The following EIF2A variants were observed in gnomAD, a reference collection of about 807,000 sequenced individuals.
The protein encoded by EIF2A is eukaryotic translation initiation factor 2A.
EIF2A carries 62 observed loss-of-function variants against 75.2 expected under a neutral mutation model. That is an observed-to-expected ratio of 0.82 (90% CI 0.67 to 1.02). EIF2A has a LOEUF of 1.02. Among genes scored for constraint, EIF2A ranks in the 50% least tolerant of loss-of-function variants. The pLI, the probability that EIF2A is intolerant of heterozygous loss-of-function variation, is 0.00. For synonymous variants in EIF2A, 207 were observed against 239.0 expected (o/e 0.87, Z 1.23); for missense variants, 611 against 677.7 (o/e 0.90, Z 1.09).
intron 6 of EIF2A, chr3:150,565,360 G>A: frequency 3.0e-6 from 1 of 329,248 alleles, no homozygotes; most frequent in South Asian, 2.5e-5. Flanking sequence ...TATTTCATCA[G>A]TGGTTGCAAA....
At chr3:150,571,875 G>A in intron 9 of EIF2A, 83 bp from the exon 10 acceptor site, 1 of 1,251,194 alleles carries the variant, frequency 8.0e-7, no homozygotes, top group Admixed American at 2.8e-5. Context: ...ATGTGTTTGT[G>A]AGTACTATAT....
At chr3:150,569,905 C>G (rs1157258741) in intron 9 of EIF2A, among the ~76,000 whole-genome samples, 3 of 151,692 alleles carry the variant, frequency 2.0e-5, no homozygotes, top group African/African-American at 7.3e-5. Flanking sequence ...TGGAAGAGAA[C>G]AGAGTCCAGA....
At chr3:150,559,168 T>C (rs1446607939) in intron 3 of EIF2A, among the ~76,000 whole-genome samples, 1 of 152,204 alleles carries the variant, frequency 6.6e-6, no homozygotes, top group African/African-American at 2.4e-5. Context: ...TGCATTAGTT[T>C]GAAAAGTAAA....
intron 3 of EIF2A, among the ~76,000 whole-genome samples, chr3:150,561,736 T>C (rs1021564419): frequency 1.5e-4 from 23 of 152,110 alleles, no homozygotes; most frequent in Non-Finnish European, 2.5e-4. Context: ...CCATGTGTCT[T>C]CTATTTTATA....
chr3:150,555,774 A>G (rs1410155152), intron 2 of EIF2A, among the ~76,000 whole-genome samples: 11 of 152,064 alleles, frequency 7.2e-5, no homozygotes, highest in Non-Finnish European at 1.5e-5. Flanking sequence ...TATGTGCTAC[A>G]CTTCATTAGG....
chr3:150,562,149 A>G (rs913060437), intron 3 of EIF2A, among the ~76,000 whole-genome samples: 128 of 151,088 alleles, frequency 8.5e-4, no homozygotes, highest in Non-Finnish European at 1.5e-3. Context: ...TGGGCTGGGC[A>G]TGGTGGCTCA....
Position 150,562,667 on chromosome 3 carries a change from A to G in EIF2A, c.292+7A>G. The G allele has an allele frequency of 6.2e-7, 1 of 1,601,520 alleles. No homozygotes were observed. Among genetic ancestry groups the G allele is most frequent in the South Asian group, 1.1e-5 (1 of 90,114 alleles). ...ACGTGGCAGCCTTACACTAGTAAGT[A>G]TTTTCTCAGTGTAAAAATACTCTGA... On this transcript the variant is annotated splice_region_variant and intron_variant, in intron 4 of 13. Transcript: ENST00000460851.
chr3:150,560,303 G>T (rs1723782208), intron 3 of EIF2A, among the ~76,000 whole-genome samples: 1 of 152,146 alleles, frequency 6.6e-6, no homozygotes, highest in South Asian at 2.1e-4. Flanking sequence ...TGGGGCAAGA[G>T]AACTAGATTT....
chr3:150,582,634 G>A (rs1462808371), intron 12 of EIF2A, among the ~76,000 whole-genome samples: 1 of 151,978 alleles, frequency 6.6e-6, no homozygotes, highest in Non-Finnish European at 1.5e-5. Context: ...TTTATACTCA[G>A]TATTTCATTA....
chr3:150,583,180 C>T lies in EIF2A; in HGVS notation c.1627-20C>T, dbSNP rs1179026217. The T allele has an allele frequency of 6.8e-6, 11 of 1,606,080 alleles. No homozygotes were observed. The highest frequency in any genetic ancestry group is 2.7e-5 in the African/African-American group (2 of 74,452). ...AGTGACTTTTCTTCCATGCTCTTGACTCATATTTGATGTTTGCAGAAACTG... is the reference window on the plus strand; with the variant it reads ...AGTGACTTTTCTTCCATGCTCTTGATTCATATTTGATGTTTGCAGAAACTG... On this transcript the variant is annotated intron_variant, in intron 12 of 13. Transcript: ENST00000460851.
chr3:150,581,775 T>C (rs933519340), intron 12 of EIF2A, 29 bp downstream of exon 12: 7 of 1,553,006 alleles, frequency 4.5e-6, no homozygotes, highest in African/African-American at 2.7e-5. Context: ...GATGTGCATA[T>C]TGAAAGGTAT....
intron 12 of EIF2A, 36 bp from the exon 13 acceptor site, chr3:150,583,164 T>C (rs767891428): frequency 6.3e-6 from 10 of 1,579,158 alleles, no homozygotes; most frequent in Non-Finnish European, 8.6e-6. Context: ...AAGTGACTTT[T>C]CTTCCATGCT....
intron 10 of EIF2A, among the ~76,000 whole-genome samples, 174 bp from the exon 11 acceptor site, chr3:150,575,475 A>T (rs1348610475): frequency 1.3e-5 from 2 of 152,244 alleles, no homozygotes; most frequent in Non-Finnish European, 2.9e-5. Context: ...ACCCTAATTA[A>T]ATCCATCCTG....
intron 3 of EIF2A, among the ~76,000 whole-genome samples, chr3:150,562,295 A>T (rs7430875): frequency 7.1e-4 from 107 of 151,346 alleles, no homozygotes; most frequent in African/African-American, 2.5e-3. Context: ...GGTGGCGGGC[A>T]CCTGTAGTCC....
At chr3:150,556,801 T>C (rs1723593499) in intron 2 of EIF2A, among the ~76,000 whole-genome samples, 1 of 152,242 alleles carries the variant, frequency 6.6e-6, no homozygotes, top group African/African-American at 2.4e-5. Context: ...TTCTGGATTC[T>C]GTAGTTTAGT....
chr3:150,549,543 G>T (rs1016510319), intron 1 of EIF2A, among the ~76,000 whole-genome samples: 10 of 152,072 alleles, frequency 6.6e-5, no homozygotes, highest in African/African-American at 2.2e-4. Flanking sequence ...TTCATCTGTA[G>T]GTTCTTGCTT....
At chr3:150,581,523 T>C (rs1725174172) in intron 11 of EIF2A, 95 bp from the exon 12 acceptor site, 4 of 1,386,472 alleles carry the variant, frequency 2.9e-6, no homozygotes, top group Admixed American at 5.2e-5. Context: ...AATCACATAT[T>C]TAGTTTCTGT....
At chr3:150,575,248 G>C (rs539536052) in intron 10 of EIF2A, among the ~76,000 whole-genome samples, 30 of 152,158 alleles carry the variant, frequency 2.0e-4, no homozygotes, top group Admixed American at 1.4e-3. Flanking sequence ...TAAAGATCTA[G>C]CAAGTAATTC....
intron 10 of EIF2A, among the ~76,000 whole-genome samples, chr3:150,572,736 G>C (rs1265734891): frequency 6.6e-6 from 1 of 151,770 alleles, no homozygotes; most frequent in East Asian, 1.9e-4. Context: ...CATGCCCGTA[G>C]TCCCGGCTAC....
Sources: gnomAD v4.1 joint callset for allele counts (sites outside exome capture counted in the v4.1 genomes callset) on GRCh38, gnomAD v4.1.1 for gene constraint, MANE v1.5 for transcripts, NCBI Gene and HGNC (gene_info 2026-07-23, HGNC 2026-07-21) for gene names.